COL26A1: variants seen among roughly 807,000 people sequenced by gnomAD.
COL26A1 encodes collagen alpha-1(XXVI) chain.
COL26A1 carries 41 observed loss-of-function variants against 59.3 expected under a neutral mutation model. The observed-to-expected ratio is 0.69, with a 90% CI of 0.54 to 0.90. The LOEUF (loss-of-function observed/expected upper bound fraction) is 0.90. COL26A1 is among the 40% of genes least tolerant of loss of function. The pLI, the probability that COL26A1 is intolerant of heterozygous loss-of-function variation, is 0.00. For missense variants in COL26A1, 612 were observed against 602.3 expected, an observed-to-expected ratio of 1.02 and a Z score of -0.17; for synonymous variants, 266 against 256.0, an observed-to-expected ratio of 1.04 and a Z score of -0.37.
chr7:101,493,845 A>G (rs1470563419), intron 3 of COL26A1, among the ~76,000 whole-genome samples: 1 of 150,834 alleles, frequency 6.6e-6, no homozygotes, highest in African/African-American at 2.4e-5. Flanking sequence ...AGGCAGGAGA[A>G]TGGCGGGAAC....
intron 3 of COL26A1, among the ~76,000 whole-genome samples, chr7:101,526,105 A>T (rs906154412): frequency 6.7e-6 from 1 of 149,842 alleles, no homozygotes; most frequent in African/African-American, 2.5e-5. Context: ...CTGGAGTGCA[A>T]TGGCGTGATC....
At chr7:101,402,636 CCCCT>C (rs1279927101) in intron 1 of COL26A1, among the ~76,000 whole-genome samples, 1 of 62,586 alleles carries the variant, frequency 1.6e-5, no homozygotes, top group African/African-American at 5.5e-5. Context: ...TTTCTCCCCT[CCCCT>C]CCCTCCCTTC....
chr7:101,437,437 A>C (rs1792943152), intron 2 of COL26A1, among the ~76,000 whole-genome samples: 1 of 147,414 alleles, frequency 6.8e-6, no homozygotes, highest in South Asian at 2.2e-4. Flanking sequence ...ATGCTGGTGG[A>C]ATTCTGAATC....
chr7:101,372,379 C>T (rs1791216016), intron 1 of COL26A1, among the ~76,000 whole-genome samples: 1 of 152,010 alleles, frequency 6.6e-6, no homozygotes, highest in South Asian at 2.1e-4. Context: ...TTGGCCAGGT[C>T]TTGAACTCCT....
chr7:101,433,209 A>C (rs1792823886), intron 2 of COL26A1, among the ~76,000 whole-genome samples: 1 of 152,118 alleles, frequency 6.6e-6, no homozygotes, highest in African/African-American at 2.4e-5. Context: ...CTGTAATCCA[A>C]GTTACTTGGG....
intron 3 of COL26A1, among the ~76,000 whole-genome samples, chr7:101,511,428 C>T (rs995756574): frequency 6.6e-6 from 1 of 152,180 alleles, no homozygotes; most frequent in Non-Finnish European, 1.5e-5. Context: ...TCCTGATTCT[C>T]AAGGGCAAAA....
At chr7:101,489,797 T>C (rs1794383827) in intron 3 of COL26A1, among the ~76,000 whole-genome samples, 1 of 1,658 alleles carries the variant, frequency 6.0e-4, no homozygotes, top group Non-Finnish European at 1.6e-3. Context: ...TTTCTTTCTT[T>C]CTTTCTTTCT....
chr7:101,450,246 A>G (rs748920624), intron 3 of COL26A1, among the ~76,000 whole-genome samples: 7 of 152,082 alleles, frequency 4.6e-5, no homozygotes, highest in Non-Finnish European at 1.0e-4. Context: ...AGTTGTGGAC[A>G]GCTGTACTTT....
chr7:101,445,118 G>C (rs1468595483), intron 2 of COL26A1, among the ~76,000 whole-genome samples: 7 of 150,552 alleles, frequency 4.6e-5, no homozygotes, highest in East Asian at 4.1e-4. Flanking sequence ...TGGGATTACA[G>C]GCGTGAGCCA....
At chr7:101,496,907 G>T (rs534908623) in intron 3 of COL26A1, among the ~76,000 whole-genome samples, 12 of 151,894 alleles carry the variant, frequency 7.9e-5, no homozygotes, top group African/African-American at 2.9e-4. Context: ...AGAATTCAGG[G>T]TGAGTCTGTA....
chr7:101,511,743 A>G (rs1794930042), intron 3 of COL26A1, among the ~76,000 whole-genome samples: 2 of 152,174 alleles, frequency 1.3e-5, no homozygotes, highest in African/African-American at 4.8e-5. Flanking sequence ...GCTGAAGTCC[A>G]ATTCTGCCAG....
intron 3 of COL26A1, among the ~76,000 whole-genome samples, chr7:101,479,765 A>C (rs1211523415): frequency 6.6e-6 from 1 of 151,888 alleles, no homozygotes; most frequent in African/African-American, 2.4e-5. Context: ...TCCTTTTATT[A>C]TTTGTTTGTT....
At chr7:101,362,849 A>G, upstream of COL26A1, 1 of 587,446 alleles carries the variant, frequency 1.7e-6, no homozygotes, top group African/African-American at 2.0e-5. Flanking sequence ...CCGAATTTGA[A>G]AAGGCGGCCC....
chr7:101,555,911 C>T (rs777884593), intron 12 of COL26A1, 40 bp downstream of exon 12: 3 of 1,515,720 alleles, frequency 2.0e-6, no homozygotes, highest in Non-Finnish European at 1.8e-6. Flanking sequence ...GAATCTCTCT[C>T]CCCTCCTTCC....
At chr7:101,531,684 C>T (rs13245946) in intron 3 of COL26A1, among the ~76,000 whole-genome samples, 17,771 of 152,124 alleles carry the variant, frequency 0.12, 1,126 homozygotes, top group Non-Finnish European at 0.14. Flanking sequence ...GGTACAGCCT[C>T]GACCACCTAT....
chr7:101,436,206 G>A (rs751076223), intron 2 of COL26A1, among the ~76,000 whole-genome samples: 7 of 152,158 alleles, frequency 4.6e-5, no homozygotes, highest in Non-Finnish European at 1.0e-4. Flanking sequence ...TGTCCATTCC[G>A]TCTGGCTCTC....
Position 101,447,785 on chromosome 7 carries a change from A to C in COL26A1, c.383A>C (p.Glu128Ala). Residue 128 changes from glutamate to alanine, a missense_variant and splice_region_variant, in exon 3 of 13, where the codon GAG becomes GCG. Coordinates refer to ENST00000313669, the MANE Select transcript of COL26A1 (RefSeq NM_001278563.3). ...CPGFTGSNCD[E>A]ECMNCTRLSD... Reference sequence around the variant, plus strand: ...GGCTTCACCGGGAGCAACTGTGATGAGGGTAAGTTGGCAGGCACTTGGGCT... The same window carrying C: ...GGCTTCACCGGGAGCAACTGTGATGCGGGTAAGTTGGCAGGCACTTGGGCT... 1 of 1,595,042 alleles carries C rather than the reference A, an allele frequency of 6.3e-7. No individual in the cohort carries two copies.
intron 9 of COL26A1, among the ~76,000 whole-genome samples, chr7:101,550,240 C>T (rs370829501): frequency 6.6e-6 from 1 of 152,056 alleles, no homozygotes; most frequent in African/African-American, 2.4e-5. Context: ...GTGGGAGGAT[C>T]GCTTGAGCCC....
chr7:101,441,569 C>G (rs1793058234), intron 2 of COL26A1, among the ~76,000 whole-genome samples: 1 of 152,188 alleles, frequency 6.6e-6, no homozygotes, highest in Non-Finnish European at 1.5e-5. Flanking sequence ...CCACCTGCCT[C>G]AGCCTCCCAA....
Sources: allele counts gnomAD v4.1 joint callset (sites outside exome capture counted in the v4.1 genomes callset), GRCh38; gene constraint gnomAD v4.1.1; transcripts MANE v1.5; gene names NCBI Gene and HGNC (gene_info 2026-07-23, HGNC 2026-07-21).